MTUS2: variants seen among roughly 807,000 people sequenced by gnomAD.
The protein encoded by MTUS2 is microtubule-associated tumor suppressor candidate 2.
A neutral mutation model predicts 114.1 loss-of-function variants in MTUS2; 40 were observed. The ratio of observed to expected loss-of-function variants is 0.35; its 90% CI spans 0.27 to 0.46. The LOEUF is 0.46. Among genes scored for constraint, MTUS2 ranks in the 20% least tolerant of loss-of-function variants. The probability of loss-of-function intolerance (pLI) is 1.00; values close to 1 mark genes in which losing one functional copy is unlikely to be tolerated. For missense variants in MTUS2, 1,679 were observed against 1,705.4 expected, an observed-to-expected ratio of 0.98 and a Z score of 0.27; for synonymous variants, 688 against 672.0, an observed-to-expected ratio of 1.02 and a Z score of -0.37.
intron 5 of MTUS2, among the ~76,000 whole-genome samples, chr13:29,109,899 A>G (rs768987048): frequency 6.6e-6 from 1 of 152,240 alleles, no homozygotes; most frequent in Non-Finnish European, 1.5e-5. Context: ...TTTTATAACA[A>G]CCTCACACAT....
chr13:28,875,891 A>G (rs192909899), intron 2 of MTUS2, among the ~76,000 whole-genome samples: 70 of 152,320 alleles, frequency 4.6e-4, no homozygotes, highest in Non-Finnish European at 6.5e-4. Flanking sequence ...TATTTTGTCT[A>G]TTAAAACCCG....
At chr13:29,427,699 CAGTTA>C (rs1876653699) in intron 8 of MTUS2, among the ~76,000 whole-genome samples, 4 of 152,296 alleles carry the variant, frequency 2.6e-5, no homozygotes, top group African/African-American at 9.6e-5. Context: ...TGGAAAATCT[CAGTTA>C]AGTTAGTAAA....
chr13:29,408,012 CT>C (rs1213509424), intron 8 of MTUS2, among the ~76,000 whole-genome samples: 1 of 151,670 alleles, frequency 6.6e-6, no homozygotes, highest in Non-Finnish European at 1.5e-5. Context: ...ATCCTTTGTT[CT>C]TTTTTCTATC....
intron 2 of MTUS2, among the ~76,000 whole-genome samples, chr13:28,922,415 G>A (rs1881093698): frequency 6.6e-6 from 1 of 152,170 alleles, no homozygotes; most frequent in African/African-American, 2.4e-5. Flanking sequence ...TGCAGTCCTT[G>A]TCACCTAGAT....
chr13:29,296,573 G>T (rs776244958), intron 6 of MTUS2, among the ~76,000 whole-genome samples: 1 of 151,996 alleles, frequency 6.6e-6, no homozygotes, highest in African/African-American at 2.4e-5. Flanking sequence ...CACCAAGTGT[G>T]TAAAAGTTCC....
chr13:28,845,286 T>G (rs1422067650), intron 2 of MTUS2, among the ~76,000 whole-genome samples: 1 of 152,238 alleles, frequency 6.6e-6, no homozygotes, highest in Admixed American at 6.5e-5. Flanking sequence ...TAAATTTCAC[T>G]TGTCACTAGA....
chr13:28,910,115 A>G (rs1280740327), intron 2 of MTUS2, among the ~76,000 whole-genome samples: 1 of 152,160 alleles, frequency 6.6e-6, no homozygotes, highest in Admixed American at 6.6e-5. Context: ...ATCAAATACT[A>G]GGTCCTACTC....
chr13:29,099,880 A>G (rs1335739179), intron 4 of MTUS2, among the ~76,000 whole-genome samples: 1 of 152,210 alleles, frequency 6.6e-6, no homozygotes, highest in African/African-American at 2.4e-5. Context: ...TAATCATTGC[A>G]GTTGCTATTG....
intron 2 of MTUS2, among the ~76,000 whole-genome samples, chr13:28,858,409 A>AT (rs1876768172): frequency 6.6e-6 from 1 of 152,156 alleles, no homozygotes; most frequent in Non-Finnish European, 1.5e-5. Context: ...GTTCTTTCAT[A>AT]TAGTTATTTA....
intron 2 of MTUS2, among the ~76,000 whole-genome samples, chr13:28,848,036 A>G (rs73452696): frequency 0.013 from 1,910 of 152,306 alleles, 46 homozygotes; most frequent in African/African-American, 0.043. Context: ...TAGCAGGAAT[A>G]TAAGACCTGT....
At chr13:28,955,127 G>C (rs370850800) in intron 2 of MTUS2, among the ~76,000 whole-genome samples, 1 of 152,176 alleles carries the variant, frequency 6.6e-6, no homozygotes, top group Admixed American at 6.5e-5. Context: ...AGGATCCAAA[G>C]ACTTTGCCCT....
chr13:29,424,296 A>G (rs1430356856), intron 8 of MTUS2, among the ~76,000 whole-genome samples: 1 of 152,244 alleles, frequency 6.6e-6, no homozygotes, highest in Non-Finnish European at 1.5e-5. Context: ...TACATATTGT[A>G]TGCATGTATC....
At chr13:29,331,790 G>GCA (rs547681929) in intron 7 of MTUS2, among the ~76,000 whole-genome samples, 248 of 152,282 alleles carry the variant, frequency 1.6e-3, no homozygotes, top group African/African-American at 5.7e-3. Flanking sequence ...TTTTATCAAA[G>GCA]GTCTTTTCTG....
chr13:28,934,262 T>G (rs1290401582), intron 2 of MTUS2, among the ~76,000 whole-genome samples: 3 of 152,244 alleles, frequency 2.0e-5, no homozygotes, highest in Non-Finnish European at 4.4e-5. Context: ...GTATCCCTAC[T>G]ATTGCATTGG....
At chr13:29,296,512 T>C (rs1030994987) in intron 6 of MTUS2, among the ~76,000 whole-genome samples, 3 of 152,188 alleles carry the variant, frequency 2.0e-5, no homozygotes, top group African/African-American at 7.2e-5. Flanking sequence ...TTTCAGGTTT[T>C]TGAGAACCTT....
chr13:29,218,140 C>T (rs565538333), intron 5 of MTUS2, among the ~76,000 whole-genome samples: 1 of 149,832 alleles, frequency 6.7e-6, no homozygotes, highest in Non-Finnish European at 1.5e-5. Context: ...CAAACCAAAA[C>T]AAAACAAAAC....
intron 8 of MTUS2, among the ~76,000 whole-genome samples, chr13:29,426,239 C>G (rs1049637864): frequency 6.6e-6 from 1 of 152,202 alleles, no homozygotes; most frequent in African/African-American, 2.4e-5. Context: ...GCCATCTTAA[C>G]TATTTTTGAG....
chr13:29,371,361 G>A (rs1429280735), intron 8 of MTUS2, among the ~76,000 whole-genome samples: 2 of 148,738 alleles, frequency 1.3e-5, no homozygotes, highest in Non-Finnish European at 3.0e-5. Flanking sequence ...GGGATTACAG[G>A]CGCCCGCCAC....
At chr13:28,993,361 T>C (rs1884945676) in intron 2 of MTUS2, among the ~76,000 whole-genome samples, 1 of 152,246 alleles carries the variant, frequency 6.6e-6, no homozygotes, top group Non-Finnish European at 1.5e-5. Flanking sequence ...CTACCAACAA[T>C]GCACAAGTGT....
Sources: gnomAD v4.1 joint callset for allele counts (sites outside exome capture counted in the v4.1 genomes callset) on GRCh38, gnomAD v4.1.1 for gene constraint, MANE v1.5 for transcripts, NCBI Gene and HGNC (gene_info 2026-07-23, HGNC 2026-07-21) for gene names.